Variants in SPAG16 observed in about 807,000 individuals in gnomAD.
The protein encoded by SPAG16 is sperm-associated antigen 16 protein.
SPAG16 carries 86 observed loss-of-function variants against 80.4 expected under a neutral mutation model. That is an observed-to-expected ratio of 1.07 (90% CI 0.90 to 1.28). The LOEUF (loss-of-function observed/expected upper bound fraction) is 1.28, where lower values mean the gene tolerates loss of function less well. SPAG16 is among the 50% of genes most tolerant of loss of function. The pLI is 0.00. For missense variants in SPAG16, 870 were observed against 765.3 expected (o/e 1.14, Z -1.61); for synonymous variants, 294 against 265.9 (o/e 1.11, Z -1.03).
chr2:213,968,815 T>C (rs973190558), intron 12 of SPAG16, among the ~76,000 whole-genome samples: 9 of 152,262 alleles, frequency 5.9e-5, no homozygotes, highest in African/African-American at 2.2e-4. Context: ...AAGTAATGAA[T>C]GTCAAAGTGT....
intron 10 of SPAG16, among the ~76,000 whole-genome samples, chr2:213,494,210 C>T (rs940263763): frequency 1.3e-5 from 2 of 152,172 alleles, no homozygotes; most frequent in African/African-American, 2.4e-5. Context: ...TTCATCTTTT[C>T]ACTCTCATTT....
intron 12 of SPAG16, among the ~76,000 whole-genome samples, chr2:214,001,666 T>C (rs2046793420): frequency 6.6e-6 from 1 of 152,208 alleles, no homozygotes; most frequent in South Asian, 2.1e-4. Flanking sequence ...TAGTTTAGAC[T>C]GTGGCACATG....
At chr2:213,774,760 C>T (rs1305429617) in intron 10 of SPAG16, among the ~76,000 whole-genome samples, 1 of 152,146 alleles carries the variant, frequency 6.6e-6, no homozygotes, top group Non-Finnish European at 1.5e-5. Flanking sequence ...GGCTCAATTT[C>T]TTCGAGGCCA....
At chr2:213,628,298 T>C (rs1314104671) in intron 10 of SPAG16, among the ~76,000 whole-genome samples, 10 of 152,182 alleles carry the variant, frequency 6.6e-5, no homozygotes, top group Non-Finnish European at 1.2e-4. Context: ...TACCAAGACC[T>C]AAATGAAGCT....
chr2:214,338,253 C>T (rs948044480), intron 15 of SPAG16, among the ~76,000 whole-genome samples: 6 of 152,132 alleles, frequency 3.9e-5, no homozygotes, highest in African/African-American at 1.4e-4. Flanking sequence ...TGGTGGCTCA[C>T]GCCTGTAATC....
intron 7 of SPAG16, among the ~76,000 whole-genome samples, chr2:213,357,268 A>T (rs1026358202): frequency 6.6e-5 from 10 of 152,258 alleles, no homozygotes; most frequent in Admixed American, 2.0e-4. Flanking sequence ...GATGTCTGTT[A>T]GGTCTGCTTG....
chr2:213,833,015 A>C lies in SPAG16; in HGVS notation c.1071-29470A>C, dbSNP rs57605719. On this transcript the variant is annotated intron_variant, in intron 10 of 15. Coordinates refer to ENST00000331683, the MANE Select transcript of SPAG16 (RefSeq NM_024532.5). ...TGTTTCATATAATACTTTTTGATTC[A>C]AATTTCCTTTGAATTTCAGTCTTCA... Among the ~76,000 whole-genome samples, 773 of 152,062 alleles carry C rather than the reference A, an allele frequency of 5.1e-3. 6 individuals carry two copies. The highest frequency in any genetic ancestry group is 0.018 in the African/African-American group (736 of 41,498).
chr2:213,765,116 C>T (rs561234261), intron 10 of SPAG16, among the ~76,000 whole-genome samples: 20 of 152,310 alleles, frequency 1.3e-4, no homozygotes, highest in African/African-American at 3.8e-4. Flanking sequence ...GCCTGTAATC[C>T]CAGCACTTTG....
In SPAG16 at chr2:214,233,851, G is replaced by T. The variant is rs569815409; in HGVS notation, c.1720+84585G>T. Among the ~76,000 whole-genome samples, 4 of 152,078 alleles carry T rather than the reference G, an allele frequency of 2.6e-5. No individual in the cohort carries two copies. In the South Asian group the frequency reaches 8.3e-4, roughly 32 times the overall value. On this transcript the variant is annotated intron_variant, in intron 15 of 15. Coordinates refer to ENST00000331683, the MANE Select transcript of SPAG16 (RefSeq NM_024532.5). Reference sequence around the variant, plus strand: ...CACCATCTACTTTTACATATTTCATGTATGCAGTTTTTTGTTCGACAAACT... The same window carrying T: ...CACCATCTACTTTTACATATTTCATTTATGCAGTTTTTTGTTCGACAAACT...
chr2:213,888,490 A>G (rs1174935551), intron 11 of SPAG16, among the ~76,000 whole-genome samples: 2 of 151,640 alleles, frequency 1.3e-5, no homozygotes, highest in African/African-American at 4.8e-5. Flanking sequence ...ATTGTCATAC[A>G]CTCAGTTATT....
chr2:213,857,356 A>C (rs1254210568), intron 10 of SPAG16, among the ~76,000 whole-genome samples: 1 of 152,204 alleles, frequency 6.6e-6, no homozygotes. Flanking sequence ...CTTTCTTGTT[A>C]GGGGCTAATG....
chr2:213,444,721 A>G (rs1208257978), intron 9 of SPAG16, among the ~76,000 whole-genome samples: 1 of 152,084 alleles, frequency 6.6e-6, no homozygotes, highest in Non-Finnish European at 1.5e-5. Context: ...AATATTTTTC[A>G]TAGGAAAAGA....
chr2:213,551,619 A>G (rs2076782401), intron 10 of SPAG16, among the ~76,000 whole-genome samples: 1 of 152,120 alleles, frequency 6.6e-6, no homozygotes, highest in South Asian at 2.1e-4. Context: ...CAAAGTTTCT[A>G]TTTCCTATAG....
intron 12 of SPAG16, among the ~76,000 whole-genome samples, chr2:213,971,398 T>A (rs1230430992): frequency 6.6e-6 from 1 of 152,112 alleles, no homozygotes; most frequent in African/African-American, 2.4e-5. Context: ...ACTATACAAG[T>A]TTTTCCAAAT....
chr2:213,741,334 A>G (rs946758506), intron 10 of SPAG16, among the ~76,000 whole-genome samples: 3 of 152,048 alleles, frequency 2.0e-5, no homozygotes, highest in African/African-American at 7.2e-5. Context: ...TGATATGCTG[A>G]CTCCTATATG....
chr2:213,806,515 C>T (rs1035748761), intron 10 of SPAG16, among the ~76,000 whole-genome samples: 2 of 152,026 alleles, frequency 1.3e-5, no homozygotes, highest in Non-Finnish European at 2.9e-5. Flanking sequence ...TATGTATCCC[C>T]TGAGAATAGT....
chr2:213,560,146 T>G (rs888108401), intron 10 of SPAG16, among the ~76,000 whole-genome samples: 2 of 152,076 alleles, frequency 1.3e-5, no homozygotes, highest in Non-Finnish European at 2.9e-5. Flanking sequence ...TTATTTCCAA[T>G]TTTTCTTTTA....
intron 5 of SPAG16, among the ~76,000 whole-genome samples, chr2:213,321,553 A>G (rs2063608946): frequency 6.6e-6 from 1 of 152,126 alleles, no homozygotes; most frequent in African/African-American, 2.4e-5. Context: ...CATCATTAAT[A>G]TTTTTTAAAT....
intron 10 of SPAG16, among the ~76,000 whole-genome samples, chr2:213,622,350 A>T (rs1047425761): frequency 1.3e-5 from 2 of 152,012 alleles, no homozygotes; most frequent in Non-Finnish European, 2.9e-5. Context: ...GAAATACTGA[A>T]CCCCCTCATT....
Sources: allele counts gnomAD v4.1 joint callset (sites outside exome capture counted in the v4.1 genomes callset), GRCh38; gene constraint gnomAD v4.1.1; transcripts MANE v1.5; gene names NCBI Gene and HGNC (gene_info 2026-07-23, HGNC 2026-07-21).